Variants in DAB1 observed in about 807,000 individuals in gnomAD.
DAB1 encodes the protein DAB adaptor protein 1.
Under a neutral mutation model 64.6 loss-of-function variants are expected in DAB1, and 15 were observed. That is an observed-to-expected ratio of 0.23 (90% CI 0.16 to 0.36). The LOEUF (loss-of-function observed/expected upper bound fraction) is 0.36. Ranked by LOEUF, DAB1 falls within the 10% of genes least tolerant of loss-of-function variation. DAB1 has a pLI of 1.00. For missense variants in DAB1, 596 were observed against 706.7 expected, an observed-to-expected ratio of 0.84 and a Z score of 1.78; for synonymous variants, 235 against 251.9, an observed-to-expected ratio of 0.93 and a Z score of 0.64.
At chr1:57,628,922 T>C (rs555451575) in intron 7 of DAB1, among the ~76,000 whole-genome samples, 89 of 152,362 alleles carry the variant, frequency 5.8e-4, no homozygotes, top group Admixed American at 1.6e-3. Flanking sequence ...CTAACACTTA[T>C]ATTGAGCTTA....
intron 5 of DAB1, among the ~76,000 whole-genome samples, chr1:58,045,442 C>T (rs1262638613): frequency 6.6e-6 from 1 of 152,190 alleles, no homozygotes; most frequent in Non-Finnish European, 1.5e-5. Flanking sequence ...GGCTGTTACC[C>T]ACTCTTGAGA....
At chr1:58,389,194 T>C (rs187626398) in intron 3 of DAB1, among the ~76,000 whole-genome samples, 195 of 152,250 alleles carry the variant, frequency 1.3e-3, no homozygotes, top group Non-Finnish European at 2.5e-3. Flanking sequence ...TCCCAGTACT[T>C]TGGGAGGCCG....
intron 5 of DAB1, among the ~76,000 whole-genome samples, chr1:57,983,464 G>A (rs892091551): frequency 5.9e-5 from 9 of 152,292 alleles, no homozygotes; most frequent in African/African-American, 2.2e-4. Context: ...GGGCAGAGTA[G>A]AAGAGGACCA....
At chr1:57,098,594 G>A (rs1208168823) in intron 4 of DAB1, among the ~76,000 whole-genome samples, 22 of 152,112 alleles carry the variant, frequency 1.4e-4, no homozygotes, top group Admixed American at 1.4e-3. Context: ...AAATCAAACT[G>A]CATCATATAA....
At chr1:57,717,518 C>T (rs1314328268) in intron 6 of DAB1, among the ~76,000 whole-genome samples, 2 of 151,986 alleles carry the variant, frequency 1.3e-5, no homozygotes, top group Non-Finnish European at 1.5e-5. Flanking sequence ...AGAGGTTCCT[C>T]AAAAAATTAA....
chr1:57,011,641 C>A (rs1432430119), intron 12 of DAB1, among the ~76,000 whole-genome samples: 1 of 152,222 alleles, frequency 6.6e-6, no homozygotes, highest in Non-Finnish European at 1.5e-5. Flanking sequence ...TATTCTGATG[C>A]ATGATCAAGC....
intron 6 of DAB1, among the ~76,000 whole-genome samples, chr1:57,753,500 C>T (rs924614784): frequency 6.6e-6 from 1 of 152,200 alleles, no homozygotes; most frequent in Non-Finnish European, 1.5e-5. Flanking sequence ...AGCTACTGAA[C>T]ATTTTGAAAT....
chr1:58,445,492 G>A (rs1404576588), intron 3 of DAB1, among the ~76,000 whole-genome samples: 3 of 152,312 alleles, frequency 2.0e-5, no homozygotes, highest in African/African-American at 4.8e-5. Context: ...TTGGGCTGAG[G>A]CCTTCTCTGG....
chr1:57,543,202 G>C (rs1045530875), intron 7 of DAB1, among the ~76,000 whole-genome samples: 21 of 152,142 alleles, frequency 1.4e-4, no homozygotes, highest in African/African-American at 4.6e-4. Flanking sequence ...TTTCTACCTA[G>C]GAATAGATAA....
chr1:57,346,954 T>C (rs924727729), intron 1 of DAB1, among the ~76,000 whole-genome samples: 8 of 152,190 alleles, frequency 5.3e-5, no homozygotes, highest in African/African-American at 1.9e-4. Context: ...GTGAACAAAA[T>C]AGGCAAAATC....
intron 5 of DAB1, among the ~76,000 whole-genome samples, chr1:58,118,901 G>A (rs1652559964): frequency 6.6e-6 from 1 of 151,652 alleles, no homozygotes. Flanking sequence ...CTGTCCAATC[G>A]AACTTTCTGC....
intron 4 of DAB1, among the ~76,000 whole-genome samples, chr1:58,322,607 T>A (rs911779572): frequency 1.3e-5 from 2 of 152,130 alleles, no homozygotes; most frequent in African/African-American, 4.8e-5. Context: ...CTGGAGAGGA[T>A]GTGGAGAAAT....
chr1:57,380,923 T>A (rs113813895), intron 1 of DAB1, among the ~76,000 whole-genome samples: 2 of 152,292 alleles, frequency 1.3e-5, no homozygotes, highest in African/African-American at 4.8e-5. Context: ...ACATTTGAAA[T>A]GTAAGAGTTG....
intron 5 of DAB1, among the ~76,000 whole-genome samples, chr1:58,075,550 G>T (rs74866560): frequency 0.09 from 13,667 of 152,226 alleles, 915 homozygotes; most frequent in African/African-American, 0.18. Flanking sequence ...GCCTATAGAA[G>T]GAGCAAAACC....
chr1:57,472,078 A>G (rs1313397424), intron 7 of DAB1, among the ~76,000 whole-genome samples: 1 of 152,238 alleles, frequency 6.6e-6, no homozygotes, highest in Non-Finnish European at 1.5e-5. Context: ...TACAAATGAG[A>G]AAAATAAAGC....
intron 1 of DAB1, among the ~76,000 whole-genome samples, chr1:57,367,861 C>G (rs1680183507): frequency 6.6e-6 from 1 of 152,174 alleles, no homozygotes; most frequent in African/African-American, 2.4e-5. Context: ...GCTGCAGCCT[C>G]CCAAACTATG....
At chr1:57,457,515 A>T (rs1443435121) in intron 7 of DAB1, among the ~76,000 whole-genome samples, 1 of 152,188 alleles carries the variant, frequency 6.6e-6, no homozygotes, top group Non-Finnish European at 1.5e-5. Context: ...CTGCTGCTAG[A>T]TCTCTATTAG....
At chr1:57,384,024 A>C (rs1258189413) in intron 1 of DAB1, among the ~76,000 whole-genome samples, 2 of 152,224 alleles carry the variant, frequency 1.3e-5, no homozygotes, top group Non-Finnish European at 2.9e-5. Context: ...TCCAGAATAT[A>C]TAAAGTATTC....
intron 7 of DAB1, among the ~76,000 whole-genome samples, chr1:57,455,788 C>G (rs1220868238): frequency 1.3e-5 from 2 of 152,096 alleles, no homozygotes; most frequent in Non-Finnish European, 2.9e-5. Context: ...AAAAGACCCT[C>G]TCTCCTAATC....
Sources: gnomAD v4.1 joint callset for allele counts (sites outside exome capture counted in the v4.1 genomes callset) on GRCh38, gnomAD v4.1.1 for gene constraint, MANE v1.5 for transcripts, NCBI Gene and HGNC (gene_info 2026-07-23, HGNC 2026-07-21) for gene names.